The following NALF1 variants were observed in gnomAD, a reference collection of about 807,000 sequenced individuals.
NALF1 encodes the protein NALCN channel auxiliary factor 1, also known as family with sequence similarity 155 member A.
NALF1 carries 3 observed loss-of-function variants against 48.4 expected under a neutral mutation model. That is an observed-to-expected ratio of 0.06 (90% CI 0.03 to 0.16). The LOEUF is 0.16. Among genes scored for constraint, NALF1 ranks in the 10% least tolerant of loss-of-function variants. The probability of loss-of-function intolerance (pLI) is 1.00; values close to 1 mark genes in which losing one functional copy is unlikely to be tolerated. For synonymous variants in NALF1, 262 were observed against 245.7 expected, an observed-to-expected ratio of 1.07 and a Z score of -0.62; for missense variants, 526 against 571.5, an observed-to-expected ratio of 0.92 and a Z score of 0.81.
At chr13:107,709,847 G>A (rs1237831955) in intron 1 of NALF1, among the ~76,000 whole-genome samples, 2 of 152,164 alleles carry the variant, frequency 1.3e-5, no homozygotes, top group Non-Finnish European at 2.9e-5. Context: ...ATATACCATG[G>A]CACATTTTCC....
chr13:107,230,534 A>T (rs1482068200), intron 1 of NALF1, among the ~76,000 whole-genome samples: 1 of 152,048 alleles, frequency 6.6e-6, no homozygotes, highest in Non-Finnish European at 1.5e-5. Context: ...TTGCCTTTCA[A>T]GATGTAAGAA....
chr13:107,431,491 T>A (rs1012197937), intron 1 of NALF1, among the ~76,000 whole-genome samples: 1 of 152,216 alleles, frequency 6.6e-6, no homozygotes, highest in Admixed American at 6.5e-5. Flanking sequence ...TTTGAATGCA[T>A]AGCATAACTT....
chr13:107,242,029 G>A (rs1447444960), intron 1 of NALF1, among the ~76,000 whole-genome samples: 1 of 152,170 alleles, frequency 6.6e-6, no homozygotes, highest in Non-Finnish European at 1.5e-5. Context: ...TATTGGCACT[G>A]CTTCTGCTAT....
intron 1 of NALF1, among the ~76,000 whole-genome samples, chr13:107,327,395 G>A (rs1882384047): frequency 6.6e-6 from 1 of 152,198 alleles, no homozygotes; most frequent in African/African-American, 2.4e-5. Flanking sequence ...TTTCAAGAGA[G>A]ATCATTTTAT....
At chr13:107,519,354 C>A (rs1366434852) in intron 1 of NALF1, among the ~76,000 whole-genome samples, 1 of 111,216 alleles carries the variant, frequency 9.0e-6, no homozygotes, top group Non-Finnish European at 2.1e-5. Flanking sequence ...ATCAGAGGAT[C>A]CGGGAGGAGG....
chr13:107,447,644 C>T (rs914294933), intron 1 of NALF1, among the ~76,000 whole-genome samples: 9 of 152,068 alleles, frequency 5.9e-5, no homozygotes, highest in African/African-American at 2.2e-4. Flanking sequence ...AGGAAGCAGG[C>T]ACAGAAAGTA....
rs138897024 is a variant in NALF1, at chr13:107,284,870, C to T, written c.916-74115G>A. 2.2e-3 allele frequency among the ~76,000 whole-genome samples: 340 copies of T among 151,882 alleles called. 2 individuals carry two copies. Among genetic ancestry groups the T allele is most frequent in the African/African-American group, 7.9e-3 (329 of 41,446 alleles). On this transcript the variant is annotated intron_variant, in intron 1 of 2. Transcript: ENST00000375915. ...TTGGATCTCCTAGCTTCCAGAGCCG[C>T]GAGAAGTTCATTTCTATTGTTTGAG...
chr13:107,260,459 A>G (rs1226150422), intron 1 of NALF1, among the ~76,000 whole-genome samples: 1 of 152,174 alleles, frequency 6.6e-6, no homozygotes, highest in Non-Finnish European at 1.5e-5. Context: ...TAAAACATGA[A>G]CTTTTTCAAC....
At chr13:107,315,892 T>G (rs1033794694) in intron 1 of NALF1, among the ~76,000 whole-genome samples, 1 of 149,696 alleles carries the variant, frequency 6.7e-6, no homozygotes, top group Non-Finnish European at 1.5e-5. Context: ...TATAGATATA[T>G]ATATATATTT....
intron 1 of NALF1, among the ~76,000 whole-genome samples, chr13:107,451,015 C>G (rs1884730656): frequency 6.6e-6 from 1 of 152,118 alleles, no homozygotes; most frequent in South Asian, 2.1e-4. Context: ...TTTGCTTATA[C>G]AAAGGATGTG....
intron 1 of NALF1, among the ~76,000 whole-genome samples, chr13:107,705,842 ATTT>A (rs960613351): frequency 7.3e-5 from 11 of 150,880 alleles, no homozygotes; most frequent in African/African-American, 2.7e-4. Context: ...TTTCGCTTTT[ATTT>A]TTTTTTCATT....
chr13:107,574,782 C>G (rs980878722), intron 1 of NALF1, among the ~76,000 whole-genome samples: 1 of 152,148 alleles, frequency 6.6e-6, no homozygotes, highest in Admixed American at 6.5e-5. Flanking sequence ...ATCTGCATAT[C>G]AATGAACAGC....
intron 1 of NALF1, among the ~76,000 whole-genome samples, chr13:107,328,245 A>T (rs1266424164): frequency 6.8e-6 from 1 of 147,908 alleles, no homozygotes; most frequent in Admixed American, 6.8e-5. Flanking sequence ...ACACCCTTTG[A>T]CTTCTTCCAA....
chr13:107,298,070 G>T (rs1024508724), intron 1 of NALF1, among the ~76,000 whole-genome samples: 1 of 151,874 alleles, frequency 6.6e-6, no homozygotes, highest in Admixed American at 6.6e-5. Context: ...AATAGATCAG[G>T]CTTTTATTGT....
At chr13:107,674,642 G>A (rs1881070046) in intron 1 of NALF1, among the ~76,000 whole-genome samples, 1 of 152,132 alleles carries the variant, frequency 6.6e-6, no homozygotes, top group South Asian at 2.1e-4. Flanking sequence ...GGCTCATTAA[G>A]GAAACAATCA....
At chr13:107,833,379 A>G (rs1879799513) in intron 1 of NALF1, among the ~76,000 whole-genome samples, 1 of 152,180 alleles carries the variant, frequency 6.6e-6, no homozygotes, top group Admixed American at 6.5e-5. Flanking sequence ...TCCAATGTGC[A>G]TTCATGGGAT....
intron 1 of NALF1, among the ~76,000 whole-genome samples, chr13:107,671,087 T>C (rs1437286853): frequency 6.6e-6 from 1 of 152,066 alleles, no homozygotes; most frequent in Non-Finnish European, 1.5e-5. Flanking sequence ...TTTAATGGAG[T>C]AGAACAAAAG....
At chr13:107,753,545 G>T (rs1877001251) in intron 1 of NALF1, among the ~76,000 whole-genome samples, 2 of 147,876 alleles carry the variant, frequency 1.4e-5, no homozygotes, top group African/African-American at 2.5e-5. Flanking sequence ...ACAAAGCGAT[G>T]TTTGCAAAAC....
chr13:107,309,485 AGT>A (rs1192721033), intron 1 of NALF1, among the ~76,000 whole-genome samples: 11 of 152,254 alleles, frequency 7.2e-5, no homozygotes, highest in Non-Finnish European at 1.5e-4. Context: ...AGGCAAGAAA[AGT>A]CAGAGTTTAT....
Sources: allele counts gnomAD v4.1 joint callset (sites outside exome capture counted in the v4.1 genomes callset), GRCh38; gene constraint gnomAD v4.1.1; transcripts MANE v1.5; gene names NCBI Gene and HGNC (gene_info 2026-07-23, HGNC 2026-07-21).